The following LTBP1 variants were observed in gnomAD, a reference collection of about 807,000 sequenced individuals.
The protein encoded by LTBP1 is latent transforming growth factor beta binding protein 1, also known as latent-transforming growth factor beta-binding protein 1.
A neutral mutation model predicts 207.6 loss-of-function variants in LTBP1; 129 were observed. The observed-to-expected ratio is 0.62, with a 90% confidence interval of 0.54 to 0.72. The LOEUF (loss-of-function observed/expected upper bound fraction) is 0.72. LTBP1 is among the 30% of genes least tolerant of loss of function. LTBP1 has a pLI of 0.00. For missense variants in LTBP1, 2,281 were observed against 2,217.2 expected (o/e 1.03, Z -0.58); for synonymous variants, 963 against 833.7 (o/e 1.16, Z -2.67).
At chr2:33,167,928 G>A (rs1340082081) in intron 5 of LTBP1, among the ~76,000 whole-genome samples, 1 of 152,222 alleles carries the variant, frequency 6.6e-6, no homozygotes, top group Admixed American at 6.5e-5. Flanking sequence ...ATTGATGGGT[G>A]TGGTTTTCAG....
chr2:33,322,124 C>T (rs1353985086), intron 24 of LTBP1, among the ~76,000 whole-genome samples: 1 of 92,034 alleles, frequency 1.1e-5, no homozygotes, highest in African/African-American at 4.9e-5. Flanking sequence ...TTTGAGATCT[C>T]TTCCTAAGCC....
At chr2:33,289,603 C>T (rs2148777705) in intron 19 of LTBP1, among the ~76,000 whole-genome samples, 1 of 152,308 alleles carries the variant, frequency 6.6e-6, no homozygotes, top group African/African-American at 2.4e-5. Flanking sequence ...TGTCCTCAAG[C>T]AGCCCTCCCA....
chr2:32,947,859 C>T (rs952095744), intron 1 of LTBP1, 41 bp downstream of exon 1: 7 of 1,273,216 alleles, frequency 5.5e-6, no homozygotes, highest in Non-Finnish European at 7.0e-6. Flanking sequence ...CCGCCTCGCG[C>T]GCACCGCCCG....
chr2:32,975,746 A>G (rs143324640), intron 2 of LTBP1, among the ~76,000 whole-genome samples: 1 of 151,934 alleles, frequency 6.6e-6, no homozygotes, highest in African/African-American at 2.4e-5. Flanking sequence ...TTTTAGCTCT[A>G]TCAGATGAGT....
chr2:33,222,241 C>T (rs1573270109), intron 9 of LTBP1, 90 bp downstream of exon 9: 1 of 900,306 alleles, frequency 1.1e-6, no homozygotes, highest in South Asian at 1.4e-5. Context: ...GCTCATTCGC[C>T]CAGCCTGTCA....
chr2:33,392,464 T>C (rs2095323249), intron 32 of LTBP1, among the ~76,000 whole-genome samples: 1 of 152,164 alleles, frequency 6.6e-6, no homozygotes, highest in Non-Finnish European at 1.5e-5. Context: ...GGATTAAAGG[T>C]GTGAGACACC....
intron 4 of LTBP1, among the ~76,000 whole-genome samples, chr2:33,124,158 A>G (rs1434333787): frequency 6.6e-6 from 1 of 152,204 alleles, no homozygotes; most frequent in African/African-American, 2.4e-5. Flanking sequence ...CCTGTAATCC[A>G]GGCACTTTAG....
intron 3 of LTBP1, among the ~76,000 whole-genome samples, chr2:33,040,511 A>G (rs1423016990): frequency 6.6e-6 from 1 of 152,202 alleles, no homozygotes; most frequent in Non-Finnish European, 1.5e-5. Flanking sequence ...CCTACTCCAC[A>G]GAACCTAAAC....
At chr2:33,345,700 T>G (rs1013744517) in intron 25 of LTBP1, among the ~76,000 whole-genome samples, 2 of 152,224 alleles carry the variant, frequency 1.3e-5, no homozygotes, top group Non-Finnish European at 2.9e-5. Flanking sequence ...TAAGTCAAGA[T>G]GTATAAGCTT....
At chr2:33,006,919 A>T (rs1472713917) in intron 2 of LTBP1, among the ~76,000 whole-genome samples, 1 of 152,102 alleles carries the variant, frequency 6.6e-6, no homozygotes, top group Non-Finnish European at 1.5e-5. Context: ...ATGGAGAGGA[A>T]TGGCCTTATA....
intron 3 of LTBP1, among the ~76,000 whole-genome samples, chr2:33,037,636 T>C (rs2075988556): frequency 6.6e-6 from 1 of 152,224 alleles, no homozygotes; most frequent in African/African-American, 2.4e-5. Context: ...TGATTCTGGC[T>C]TGTTTCCTTG....
intron 3 of LTBP1, among the ~76,000 whole-genome samples, chr2:33,100,143 C>T (rs559879611): frequency 1.3e-5 from 2 of 152,310 alleles, no homozygotes; most frequent in African/African-American, 4.8e-5. Context: ...TAATTCCTCA[C>T]AATGCGATAA....
chr2:33,200,160 A>G (rs1453697215), intron 7 of LTBP1, among the ~76,000 whole-genome samples: 1 of 152,216 alleles, frequency 6.6e-6, no homozygotes, highest in Non-Finnish European at 1.5e-5. Flanking sequence ...AAGAGCCCAC[A>G]TTGCCAAGTC....
At chr2:33,133,003 G>T (rs925996472) in intron 4 of LTBP1, among the ~76,000 whole-genome samples, 2 of 152,144 alleles carry the variant, frequency 1.3e-5, no homozygotes, top group African/African-American at 4.8e-5. Context: ...GCTGGGAACT[G>T]CCATAACTAT....
At chr2:33,305,162 A>G (rs1486249832) in intron 22 of LTBP1, among the ~76,000 whole-genome samples, 1 of 152,110 alleles carries the variant, frequency 6.6e-6, no homozygotes, top group Non-Finnish European at 1.5e-5. Flanking sequence ...AAAATACAAA[A>G]AAAAAAGAAA....
chr2:33,193,966 C>T (rs1249872538), intron 7 of LTBP1, among the ~76,000 whole-genome samples: 1 of 151,762 alleles, frequency 6.6e-6, no homozygotes, highest in East Asian at 1.9e-4. Flanking sequence ...AGTCACACAT[C>T]TCTCACTTTA....
intron 2 of LTBP1, among the ~76,000 whole-genome samples, chr2:33,010,590 T>C (rs992179800): frequency 1.5e-4 from 23 of 152,164 alleles, no homozygotes; most frequent in African/African-American, 5.6e-4. Context: ...GCTGACTTGA[T>C]CATCACACAT....
At chr2:33,040,917 A>G (rs992034765) in intron 3 of LTBP1, among the ~76,000 whole-genome samples, 4 of 152,206 alleles carry the variant, frequency 2.6e-5, no homozygotes, top group African/African-American at 9.6e-5. Flanking sequence ...ACCATTTGCT[A>G]TGGAAGAAGT....
At chr2:32,960,642 A>T (rs1423190611) in intron 2 of LTBP1, among the ~76,000 whole-genome samples, 3 of 152,190 alleles carry the variant, frequency 2.0e-5, no homozygotes, top group Non-Finnish European at 4.4e-5. Flanking sequence ...ATGTACTTGA[A>T]AAAACTAAAA....
Sources: gnomAD v4.1 joint callset for allele counts (sites outside exome capture counted in the v4.1 genomes callset) on GRCh38, gnomAD v4.1.1 for gene constraint, MANE v1.5 for transcripts, NCBI Gene and HGNC (gene_info 2026-07-23, HGNC 2026-07-21) for gene names.